Variants in FAR2 observed in about 807,000 individuals in gnomAD.
FAR2 encodes the protein fatty acyl-CoA reductase 2.
In FAR2, 19 loss-of-function variants were observed where a neutral mutation model predicts 56.0. The ratio of observed to expected loss-of-function variants is 0.34; its 90% confidence interval spans 0.24 to 0.50. The LOEUF is 0.50. Among genes scored for constraint, FAR2 ranks in the 20% least tolerant of loss-of-function variants. The pLI is 0.98. For missense variants in FAR2, 508 were observed against 642.2 expected, an observed-to-expected ratio of 0.79 and a Z score of 2.26; for synonymous variants, 219 against 218.8, an observed-to-expected ratio of 1.00 and a Z score of -0.01.
Position 29,334,124 on chromosome 12 carries a change from C to T in FAR2, c.*330C>T, listed in dbSNP as rs1297600416. On this transcript the variant is annotated 3_prime_UTR_variant, in exon 12 of 12. Transcript: ENST00000536681. ...CTCTCTGAGATGATTCATTTAAACTCAGTAAATATGGAAAGATGCATGGCA... is the reference window on the plus strand; with the variant it reads ...CTCTCTGAGATGATTCATTTAAACTTAGTAAATATGGAAAGATGCATGGCA... The T allele has an allele frequency of 1.1e-5, 2 of 178,618 alleles. No homozygotes were observed. The highest frequency in any genetic ancestry group is 2.3e-5 in the Non-Finnish European group (2 of 85,476). The allele number at this position is 178,618 out of a possible 1,614,324, so 11.1% of individuals were successfully genotyped here.
intron 1 of FAR2, among the ~76,000 whole-genome samples, chr12:29,217,525 A>G (rs1947637372): frequency 6.6e-6 from 1 of 152,194 alleles, no homozygotes; most frequent in South Asian, 2.1e-4. Context: ...ATCCAAAGTC[A>G]AGCTAGAAGA....
rs546450364 is a variant in FAR2, at chr12:29,187,085, G to T, written c.-39+37678G>T. 5.9e-5 allele frequency among the ~76,000 whole-genome samples: 9 copies of T among 152,256 alleles called. No individual in the cohort carries two copies. In the East Asian group the frequency reaches 9.6e-4, roughly 16 times the overall value. On this transcript the variant is annotated intron_variant, in intron 1 of 11. Transcript: ENST00000536681. ...TTACAGGTGTGAGCCACTGCGCCCG[G>T]CCCGGCTTAGTTCTTATAACTGTTC... is the stretch of plus-strand genomic sequence containing the variant.
intron 10 of FAR2, 79 bp from the exon 11 acceptor site, chr12:29,332,521 T>G (rs1949744622): frequency 1.9e-6 from 3 of 1,591,368 alleles, no homozygotes; most frequent in Non-Finnish European, 2.6e-6. Context: ...CACTCGTCTA[T>G]GTAGAAGAAA....
chr12:29,156,487 T>C (rs988431341), intron 1 of FAR2: 1 of 152,138 alleles, frequency 6.6e-6, no homozygotes, highest in Non-Finnish European at 1.5e-5. Flanking sequence ...AACTCATATA[T>C]ACAGGATAGG....
chr12:29,168,496 C>T (rs1382609355), intron 1 of FAR2, among the ~76,000 whole-genome samples: 1 of 152,148 alleles, frequency 6.6e-6, no homozygotes, highest in Non-Finnish European at 1.5e-5. Flanking sequence ...TTCAAACTAC[C>T]AATAATCATA....
At chr12:29,235,928 CT>C (rs1474423950) in intron 1 of FAR2, among the ~76,000 whole-genome samples, 9 of 152,090 alleles carry the variant, frequency 5.9e-5, no homozygotes, top group Admixed American at 2.6e-4. Flanking sequence ...TAAGGAGAGA[CT>C]GGTCAACAGG....
At chr12:29,301,582 T>C (rs1286422126) in intron 4 of FAR2, 2 of 152,226 alleles carry the variant, frequency 1.3e-5, no homozygotes, top group African/African-American at 2.4e-5. Flanking sequence ...AAAGGGCTTT[T>C]GTGCCTGTAT....
At chr12:29,328,177 G>C (rs1160382687) in intron 10 of FAR2, among the ~76,000 whole-genome samples, 2 of 152,118 alleles carry the variant, frequency 1.3e-5, no homozygotes, top group African/African-American at 4.8e-5. Context: ...CTGGCCATCA[G>C]AGAAATGCAA....
At position 29,316,874 on chromosome 12, in the gene FAR2, C is replaced by A; in HGVS notation, c.989C>A (p.Pro330Gln). ...VQVLATFEKI[P>Q]FERPFRRPNA... is the part of the protein sequence containing the mutation. The stretch of plus-strand genomic sequence containing the variant: ...GTCTTGGCAACCTTTGAAAAAATCC[C>A]ATTTGAGAGACCTTTCAGGAGGCCA... Residue 330 changes from proline to glutamine, a missense_variant, in exon 9 of 12, where the codon CCA (proline) becomes CAA (glutamine). Transcript: ENST00000536681. 1 of 1,614,066 alleles carries A rather than the reference C, an allele frequency of 6.2e-7. No homozygotes were observed. The highest frequency in any genetic ancestry group is 8.5e-7 in the Non-Finnish European group (1 of 1,179,998).
intron 1 of FAR2, among the ~76,000 whole-genome samples, chr12:29,258,058 C>T (rs954109038): frequency 1.3e-5 from 2 of 151,976 alleles, no homozygotes; most frequent in Admixed American, 1.3e-4. Flanking sequence ...ATAAAAATCA[C>T]AGGGGCTGGG....
chr12:29,267,209 G>A (rs775502009), intron 1 of FAR2, among the ~76,000 whole-genome samples: 16 of 152,096 alleles, frequency 1.1e-4, no homozygotes, highest in African/African-American at 2.4e-4. Flanking sequence ...TATACAAAAT[G>A]TACGAGACAG....
intron 1 of FAR2, among the ~76,000 whole-genome samples, chr12:29,161,479 AG>A (rs1382274260): frequency 6.6e-6 from 1 of 152,232 alleles, no homozygotes; most frequent in African/African-American, 2.4e-5. Flanking sequence ...GTGTATTTGT[AG>A]ATTATTCATT....
chr12:29,269,490 C>T (rs1263783206), intron 1 of FAR2, among the ~76,000 whole-genome samples: 1 of 152,062 alleles, frequency 6.6e-6, no homozygotes, highest in African/African-American at 2.4e-5. Flanking sequence ...ATTACAGGGT[C>T]CTGAGGCGAC....
chr12:29,303,058 C>T (rs759504053), intron 4 of FAR2, among the ~76,000 whole-genome samples: 170 of 152,240 alleles, frequency 1.1e-3, no homozygotes, highest in Non-Finnish European at 1.7e-3. Context: ...TGAAGCAATG[C>T]GTTTTTGAGA....
intron 2 of FAR2, among the ~76,000 whole-genome samples, chr12:29,290,982 T>C (rs1185032472): frequency 6.6e-6 from 1 of 152,130 alleles, no homozygotes; most frequent in Non-Finnish European, 1.5e-5. Context: ...TTTAAAATAA[T>C]TTAAAGAGTA....
intron 2 of FAR2, among the ~76,000 whole-genome samples, chr12:29,275,254 G>A (rs1426382984): frequency 6.6e-6 from 1 of 151,888 alleles, no homozygotes; most frequent in Non-Finnish European, 1.5e-5. Flanking sequence ...GCAGGAGTGG[G>A]GGTCACAAGG....
intron 2 of FAR2, among the ~76,000 whole-genome samples, chr12:29,274,407 T>C (rs1040779431): frequency 3.9e-5 from 6 of 152,100 alleles, no homozygotes; most frequent in Admixed American, 3.3e-4. Flanking sequence ...TATTCCATGA[T>C]GTATATGTGC....
At chr12:29,258,386 G>A (rs1313875976) in intron 1 of FAR2, among the ~76,000 whole-genome samples, 1 of 152,018 alleles carries the variant, frequency 6.6e-6, no homozygotes, top group Admixed American at 6.6e-5. Flanking sequence ...GCAGGGATAT[G>A]TAATAGACAT....
chr12:29,202,756 A>G lies in FAR2; in HGVS notation c.-39+53349A>G, dbSNP rs545743671. Among the ~76,000 whole-genome samples the G allele has an allele frequency of 2.2e-4, 33 of 152,284 alleles. 1 individual carries two copies. Among genetic ancestry groups the G allele is most frequent in the Non-Finnish European group, 7.3e-5 (5 of 68,032 alleles). On this transcript the variant is annotated intron_variant, in intron 1 of 11. Coordinates refer to ENST00000536681, the MANE Select transcript of FAR2 (RefSeq NM_001271783.2). The stretch of plus-strand genomic sequence containing the variant: ...TGCTCCCTCTCTCTCCATGTGAGAC[A>G]CTGGCTCTCCTTCACCTTCCACCAT...
Sources: gnomAD v4.1 joint callset for allele counts (sites outside exome capture counted in the v4.1 genomes callset) on GRCh38, gnomAD v4.1.1 for gene constraint, MANE v1.5 for transcripts, NCBI Gene and HGNC (gene_info 2026-07-23, HGNC 2026-07-21) for gene names.